Variants in PDE3A observed in about 807,000 individuals in gnomAD.
PDE3A encodes the protein cGMP-inhibited 3',5'-cyclic phosphodiesterase 3A.
A neutral mutation model predicts 98.3 loss-of-function variants in PDE3A; 43 were observed. That is an observed-to-expected ratio of 0.44 (90% CI 0.34 to 0.56). PDE3A has a LOEUF of 0.56. PDE3A is among the 20% of genes least tolerant of loss of function. The pLI is 0.01. For missense variants in PDE3A, 1,427 were observed against 1,440.7 expected (o/e 0.99, Z 0.15); for synonymous variants, 663 against 567.9 (o/e 1.17, Z -2.38).
chr12:20,442,281 A>G (rs1944882603), intron 1 of PDE3A, among the ~76,000 whole-genome samples: 1 of 152,220 alleles, frequency 6.6e-6, no homozygotes, highest in Non-Finnish European at 1.5e-5. Context: ...TAGTTAGGAT[A>G]GGCTAAGCTA....
chr12:20,504,181 T>C (rs1946074007), intron 1 of PDE3A, among the ~76,000 whole-genome samples: 1 of 152,110 alleles, frequency 6.6e-6, no homozygotes, highest in African/African-American at 2.4e-5. Flanking sequence ...TTTATTTTCC[T>C]TTTCCTTCTC....
chr12:20,646,334 A>G (rs542055606), intron 10 of PDE3A, among the ~76,000 whole-genome samples, 156 bp from the exon 11 acceptor site: 1 of 152,298 alleles, frequency 6.6e-6, no homozygotes, highest in Admixed American at 6.5e-5. Context: ...GGAGTTATGG[A>G]AGAGTAATCA....
At chr12:20,493,389 C>A (rs538420323) in intron 1 of PDE3A, among the ~76,000 whole-genome samples, 1 of 152,078 alleles carries the variant, frequency 6.6e-6, no homozygotes, top group Admixed American at 6.6e-5. Context: ...AAAAATAGAA[C>A]TTACATAGCA....
intron 1 of PDE3A, among the ~76,000 whole-genome samples, chr12:20,534,325 T>G (rs1419784036): frequency 6.6e-6 from 1 of 152,194 alleles, no homozygotes; most frequent in Non-Finnish European, 1.5e-5. Flanking sequence ...ATGGATTTGC[T>G]TGTCAGAGCA....
intron 2 of PDE3A, among the ~76,000 whole-genome samples, chr12:20,586,005 G>A (rs750033790): frequency 6.6e-6 from 1 of 152,200 alleles, no homozygotes; most frequent in Non-Finnish European, 1.5e-5. Flanking sequence ...TTAAAATGAG[G>A]ACAAGTGTAC....
intron 2 of PDE3A, among the ~76,000 whole-genome samples, chr12:20,564,820 ACCC>A (rs1942614393): frequency 6.6e-6 from 1 of 152,080 alleles, no homozygotes; most frequent in Non-Finnish European, 1.5e-5. Context: ...TTATTGAATG[ACCC>A]TCTTATGTTG....
chr12:20,485,310 T>C (rs1565564189), intron 1 of PDE3A, among the ~76,000 whole-genome samples: 1 of 150,530 alleles, frequency 6.6e-6, no homozygotes, highest in African/African-American at 2.4e-5. Flanking sequence ...AATCCAAATT[T>C]CTTTTTTATA....
At chr12:20,656,719 G>A (rs574900693) in intron 15 of PDE3A, among the ~76,000 whole-genome samples, 171 of 152,302 alleles carry the variant, frequency 1.1e-3, no homozygotes, top group Non-Finnish European at 1.9e-3. Flanking sequence ...TCCACTGAAT[G>A]AAGGTATTGT....
intron 15 of PDE3A, among the ~76,000 whole-genome samples, chr12:20,660,818 T>C (rs1435362762): frequency 6.6e-6 from 1 of 152,108 alleles, no homozygotes; most frequent in Non-Finnish European, 1.5e-5. Context: ...AATTGCCCAG[T>C]CTCAGGTATG....
chr12:20,489,446 A>G (rs576049057), intron 1 of PDE3A, among the ~76,000 whole-genome samples: 4 of 152,296 alleles, frequency 2.6e-5, no homozygotes, highest in Admixed American at 2.6e-4. Context: ...TTTAAAAAAC[A>G]TTGTTTTGGG....
At chr12:20,399,677 A>G (rs1944084017) in intron 1 of PDE3A, among the ~76,000 whole-genome samples, 1 of 152,236 alleles carries the variant, frequency 6.6e-6, no homozygotes, top group Admixed American at 6.5e-5. Context: ...GTGGGCATAA[A>G]TAACACATTT....
At position 20,545,906 on chromosome 12, in the gene PDE3A, G is replaced by A. The variant is rs111698458; in HGVS notation, c.961-10754G>A. Among the ~76,000 whole-genome samples the A allele has an allele frequency of 8.6e-5, 13 of 151,972 alleles. 1 individual carries two copies. The highest frequency in any genetic ancestry group is 3.1e-4 in the African/African-American group (13 of 41,462). ...TTGTATAATGTAATGATGTCCTCTTGTCTCCCCATGAAATCGTCAGTGAAA... is the reference window on the plus strand; with the variant it reads ...TTGTATAATGTAATGATGTCCTCTTATCTCCCCATGAAATCGTCAGTGAAA... On this transcript the variant is annotated intron_variant, in intron 1 of 15. Transcript: ENST00000359062.
chr12:20,616,971 A>G (rs1293471351), intron 4 of PDE3A, among the ~76,000 whole-genome samples: 1 of 152,104 alleles, frequency 6.6e-6, no homozygotes, highest in Non-Finnish European at 1.5e-5. Flanking sequence ...ATCTAAAAAG[A>G]ATCTTGAAGA....
At chr12:20,413,808 G>A (rs943452459) in intron 1 of PDE3A, among the ~76,000 whole-genome samples, 2 of 152,182 alleles carry the variant, frequency 1.3e-5, no homozygotes, top group African/African-American at 4.8e-5. Flanking sequence ...AAGGAAGCCA[G>A]GAGTAAATGT....
chr12:20,614,996 T>TTTTC (rs778518368), intron 3 of PDE3A, among the ~76,000 whole-genome samples: 1 of 19,524 alleles, frequency 5.1e-5, no homozygotes, highest in South Asian at 7.0e-3. Context: ...TCTTTTCTTT[T>TTTTC]TTTCTTTCTT....
chr12:20,537,287 C>A (rs1411593663), intron 1 of PDE3A, among the ~76,000 whole-genome samples: 3 of 152,002 alleles, frequency 2.0e-5, no homozygotes, highest in Admixed American at 6.6e-5. Flanking sequence ...TTCTGTATTT[C>A]ATATACAAGC....
intron 1 of PDE3A, among the ~76,000 whole-genome samples, chr12:20,503,520 A>AT (rs1946060834): frequency 1.3e-5 from 2 of 152,132 alleles, no homozygotes; most frequent in South Asian, 4.1e-4. Context: ...GTCAGAAACC[A>AT]TTCAGGAGAA....
chr12:20,481,333 T>C (rs568476487), intron 1 of PDE3A, among the ~76,000 whole-genome samples: 1 of 152,318 alleles, frequency 6.6e-6, no homozygotes, highest in South Asian at 2.1e-4. Flanking sequence ...ATAGAAAGAT[T>C]GGTGAATGAA....
At chr12:20,423,642 G>A (rs1944557877) in intron 1 of PDE3A, among the ~76,000 whole-genome samples, 3 of 152,054 alleles carry the variant, frequency 2.0e-5, no homozygotes, top group Admixed American at 2.0e-4. Context: ...TTTTAGAGCT[G>A]GTGAGTGGCT....
Sources: gnomAD v4.1 joint callset for allele counts (sites outside exome capture counted in the v4.1 genomes callset) on GRCh38, gnomAD v4.1.1 for gene constraint, MANE v1.5 for transcripts, NCBI Gene and HGNC (gene_info 2026-07-23, HGNC 2026-07-21) for gene names.